The following DST variants were observed in gnomAD, a reference collection of about 807,000 sequenced individuals.
DST encodes bullous pemphigoid antigen.
In DST, 253 loss-of-function variants were observed where a neutral mutation model predicts 875.2. That is an observed-to-expected ratio of 0.29 (90% CI 0.26 to 0.32). The LOEUF (loss-of-function observed/expected upper bound fraction) is 0.32, where lower values mean the gene tolerates loss of function less well. Ranked by LOEUF, DST falls within the 10% of genes least tolerant of loss-of-function variation. The pLI is 1.00. For missense variants in DST, 8,287 were observed against 9,111.6 expected, an observed-to-expected ratio of 0.91 and a Z score of 3.68; for synonymous variants, 3,124 against 3,197.1, an observed-to-expected ratio of 0.98 and a Z score of 0.77.
intron 45 of DST, among the ~76,000 whole-genome samples, chr6:56,599,184 T>C (rs958228416): frequency 6.6e-6 from 1 of 152,104 alleles, no homozygotes; most frequent in African/African-American, 2.4e-5. Flanking sequence ...TAATGTTTGC[T>C]TCTTTGCCTA....
chr6:56,833,563 T>C (rs2099789939), intron 4 of DST, among the ~76,000 whole-genome samples: 1 of 152,070 alleles, frequency 6.6e-6, no homozygotes, highest in East Asian at 1.9e-4. Flanking sequence ...TCAAGTGTTA[T>C]AAAGCATCAT....
At chr6:56,774,395 C>A (rs948698560) in intron 4 of DST, among the ~76,000 whole-genome samples, 1 of 152,232 alleles carries the variant, frequency 6.6e-6, no homozygotes, top group East Asian at 1.9e-4. Flanking sequence ...AGCTTAAAAC[C>A]AAACCAAATA....
At chr6:56,491,148 C>T (rs2095723213) in intron 85 of DST, among the ~76,000 whole-genome samples, 1 of 152,172 alleles carries the variant, frequency 6.6e-6, no homozygotes, top group African/African-American at 2.4e-5. Flanking sequence ...TAACACTGAA[C>T]ATTTCACACC....
chr6:56,639,971 A>C lies in DST; in HGVS notation c.2577T>G (p.Ile859Met), dbSNP rs2098874464. ...LENHKNVHRAIEEFESSLKEA... is the reference protein window; with the variant it reads ...LENHKNVHRAMEEFESSLKEA... Reference sequence around the variant, plus strand: ...CTTTGAGACTAGATTCAAATTCTTCAATAGCTCTATGAACATTTTTATGAT... The same window carrying C: ...CTTTGAGACTAGATTCAAATTCTTCCATAGCTCTATGAACATTTTTATGAT... The change falls in exon 19 of 104, where the codon ATT (isoleucine) becomes ATG (methionine). Residue 859 changes from isoleucine (I) to methionine (M), a missense_variant. By Grantham distance (10) the Ile-to-Met change is conservative (BLOSUM62 1). Around this residue, in one of 10 missense-constraint regions of DST, gnomAD observed 1,160 missense variants for 1,424.3 expected, o/e 0.81. Transcript: ENST00000680361. The C allele has an allele frequency of 1.2e-6, 2 of 1,613,614 alleles. No homozygotes were observed. The highest frequency in any genetic ancestry group is 1.7e-6 in the Non-Finnish European group (2 of 1,179,684).
rs369043034 is a variant in DST, at chr6:56,497,450, G to C, written c.20152C>G (p.Arg6718Gly). The C allele has an allele frequency of 6.2e-7, 1 of 1,613,056 alleles. No homozygotes were observed. Among genetic ancestry groups the C allele is most frequent in the African/African-American group, 1.3e-5 (1 of 74,934 alleles). ...DLQQWLTDTE[R>G]HLLASKPLGG... ...AGCGGTTTAGATGCCAACAGATGAC[G>C]CTCCGTGTCAGTCAGCCACTGCTGC... is the stretch of plus-strand genomic sequence containing the variant. The change falls in exon 82 of 104, where the codon CGT becomes GGT. Residue 6718 changes from arginine to glycine, a missense_variant. Arg to Gly is a moderately radical substitution (Grantham distance 125). Transcript: ENST00000680361.
intron 4 of DST, among the ~76,000 whole-genome samples, chr6:56,801,178 G>T (rs2099746388): frequency 6.6e-6 from 1 of 151,938 alleles, no homozygotes; most frequent in Non-Finnish European, 1.5e-5. Flanking sequence ...ATTTTATATG[G>T]ATTTCATCAG....
At position 56,836,850 on chromosome 6, in the gene DST, C is replaced by CAAAA. The variant is rs1362120373; in HGVS notation, c.625+14543_625+14546dup. Among the ~76,000 whole-genome samples, 536 of 74,406 alleles carry CAAAA rather than the reference C, an allele frequency of 7.2e-3. 4 individuals are homozygous for CAAAA. Among genetic ancestry groups the CAAAA allele is most frequent in the African/African-American group, 0.028 (486 of 17,628 alleles). The allele number at this position is 74,406 out of a possible 152,430, so 48.8% of individuals were successfully genotyped here. On this transcript the variant is annotated intron_variant, in intron 4 of 103. Transcript: ENST00000680361. ...TGGGCCACAGAGAGAGACTCCATCT[C>CAAAA]AAAAAAAAAAAAAGAAAGAAAAAAA...
At position 56,604,271 on chromosome 6, in the gene DST, G is replaced by A; in HGVS notation, c.10357C>T (p.Gln3453Ter). 6.2e-7 allele frequency: 1 copy of A among 1,611,732 alleles called. No individual in the cohort carries two copies. The change falls in exon 40 of 104, where the codon CAA (glutamine) becomes TAA (stop). Residue 3453 changes from glutamine to a stop codon, truncating the protein, a stop_gained. Transcript: ENST00000680361. LOFTEE classifies it high-confidence loss of function. ...ELLLNILKQD[Q>*]HSQKITGVFE... ...ACTCCTGTAATTTTTTGGCTATGTT[G>A]ATCTTGCTTCAATATATTAAGGAGA...
At chr6:56,867,395 T>C (rs16888192) in intron 3 of DST, among the ~76,000 whole-genome samples, 39,961 of 152,184 alleles carry the variant, frequency 0.26, 7,095 homozygotes, top group African/African-American at 0.51. Context: ...ATATGAAATG[T>C]CTGTCTTTAT....
intron 2 of DST, among the ~76,000 whole-genome samples, chr6:56,937,648 A>G (rs910923895): frequency 1.3e-5 from 2 of 152,232 alleles, no homozygotes; most frequent in African/African-American, 4.8e-5. Flanking sequence ...TTTTACTCCT[A>G]GGTATCTGCC....
chr6:56,670,801 C>A lies in DST; in HGVS notation c.1054G>T (p.Asp352Tyr). 6.3e-7 allele frequency: 1 copy of A among 1,588,324 alleles called. No homozygotes were observed. Among genetic ancestry groups the A allele is most frequent in the East Asian group, 2.3e-5 (1 of 43,746 alleles). Residue 352 changes from aspartate (D) to tyrosine (Y), a missense_variant, in exon 10 of 104, where the codon GAT (aspartate) becomes TAT (tyrosine). By Grantham distance (160) the Asp-to-Tyr change is radical. Around this residue, in one of 10 missense-constraint regions of DST, gnomAD observed 1,160 missense variants for 1,424.3 expected, o/e 0.81. Transcript: ENST00000680361. ...TCTGACTCTCCAGTAACATGGATAT[C>A]AGATATCTAGATATAACAGAAAGTG... ...WTIILHFQIS[D>Y]IHVTGESEDM...
chr6:56,460,888 G>GA (rs1562130783), intron 102 of DST: 1 of 149,336 alleles, frequency 6.7e-6, no homozygotes, highest in Non-Finnish European at 1.5e-5. Flanking sequence ...ATTTGGAGAA[G>GA]TTTTTTTTTT....
intron 4 of DST, among the ~76,000 whole-genome samples, chr6:56,765,832 T>C (rs1407768468): frequency 3.3e-5 from 5 of 152,218 alleles, no homozygotes; most frequent in African/African-American, 1.2e-4. Context: ...TCAACTTTCC[T>C]AAGCAGGAAA....
rs1464513983 is a variant in DST at position 56,504,070 on chromosome 6, C to G, written c.19493G>C (p.Gly6498Ala). Residue 6498 changes from glycine to alanine, a missense_variant, in exon 78 of 104, where the codon GGT (glycine) becomes GCT (alanine). Gly to Ala is a moderately conservative substitution (Grantham distance 60). Coordinates refer to ENST00000680361, the MANE Select transcript of DST (RefSeq NM_001374736.1). ...TGGAGACATTGAAGCTAATTTACCA[C>G]CTGCAATATCTACCCAGTCAAATAC... ...QAVFDWVDIA[G>A]GKLASMSPIG... 3.1e-6 allele frequency: 5 copies of G among 1,609,852 alleles called. No individual in the cohort carries two copies. Among genetic ancestry groups the G allele is most frequent in the Non-Finnish European group, 4.2e-6 (5 of 1,178,156 alleles).
At chr6:56,716,876 G>A (rs745896006) in intron 5 of DST, among the ~76,000 whole-genome samples, 21 of 152,076 alleles carry the variant, frequency 1.4e-4, no homozygotes, top group Non-Finnish European at 2.2e-4. Context: ...TCAGGTGTTC[G>A]ATTCTTATAA....
At position 56,607,537 on chromosome 6, in the gene DST, T is replaced by C. The variant is rs1414990737; in HGVS notation, c.7091A>G (p.Asn2364Ser). 3.1e-6 allele frequency: 5 copies of C among 1,605,712 alleles called. No homozygotes were observed. The highest frequency in any genetic ancestry group is 1.7e-5 in the Admixed American group (1 of 58,732). The stretch of plus-strand genomic sequence containing the variant: ...TTGATTTTCATAGTTTGTAAGTATG[T>C]TTTCAGAGTCACTTCTAAGCATGCT... ...DISMLRSDSE[N>S]ILTNYENQSR... The change falls in exon 40 of 104, where the codon AAC becomes AGC. Residue 2364 changes from asparagine (N) to serine (S), a missense_variant. Coordinates refer to ENST00000680361, the MANE Select transcript of DST (RefSeq NM_001374736.1).
At chr6:56,539,175 G>C (rs2097074413) in intron 61 of DST, among the ~76,000 whole-genome samples, 1 of 152,076 alleles carries the variant, frequency 6.6e-6, no homozygotes, top group Non-Finnish European at 1.5e-5. Flanking sequence ...TCTGGTCTTG[G>C]TTTTAAATTA....
At chr6:56,908,029 A>G (rs1797165819) in intron 2 of DST, among the ~76,000 whole-genome samples, 1 of 151,870 alleles carries the variant, frequency 6.6e-6, no homozygotes, top group Non-Finnish European at 1.5e-5. Context: ...AGATTGCACC[A>G]CTGCACTCCA....
chr6:56,619,518 A>G, intron 36 of DST: 1 of 1,613,078 alleles, frequency 6.2e-7, no homozygotes, highest in African/African-American at 1.3e-5. Context: ...TGAATTTGTG[A>G]ATTTAAATGC....
Sources: gnomAD v4.1 joint callset for allele counts (sites outside exome capture counted in the v4.1 genomes callset) on GRCh38, gnomAD v4.1.1 for gene constraint, gnomAD v4.1.1 regional missense constraint, MANE v1.5 for transcripts, NCBI Gene and HGNC (gene_info 2026-07-23, HGNC 2026-07-21) for gene names.